DNAH14: variants seen among roughly 807,000 people sequenced by gnomAD.
The protein encoded by DNAH14 is axonemal beta dynein heavy chain 14.
A neutral mutation model predicts 520.9 loss-of-function variants in DNAH14; 478 were observed. The ratio of observed to expected loss-of-function variants is 0.92; its 90% CI spans 0.85 to 0.99. The LOEUF is 0.99. Ranked by LOEUF, DNAH14 falls within the 50% of genes least tolerant of loss-of-function variation. The pLI is 0.00. For missense variants in DNAH14, 4,831 were observed against 5,234.5 expected (o/e 0.92, Z 2.38); for synonymous variants, 1,581 against 1,757.2 (o/e 0.90, Z 2.51).
Position 225,358,778 on chromosome 1 carries a change from T to C in DNAH14, c.11776+126T>C. On this transcript the variant is annotated intron_variant, in intron 74 of 85. Transcript: ENST00000682510. ...AAGGGCGAGACCAGGTAGAGGTAAT[T>C]GGATCATGGGGATGGTTCCCCCCAT... 3.1e-6 allele frequency: 3 copies of C among 960,282 alleles called. No individual in the cohort carries two copies. In the South Asian group the frequency reaches 5.2e-5, roughly 17 times the overall value. 59.5% of individuals were successfully genotyped at this position (960,282 alleles called of 1,614,324 possible).
chr1:225,264,378 A>G (rs2093041664), intron 47 of DNAH14, 117 bp downstream of exon 47: 2 of 934,696 alleles, frequency 2.1e-6, no homozygotes, highest in South Asian at 3.6e-5. Flanking sequence ...GTAATTTAAT[A>G]TAAAAAGTCT....
intron 38 of DNAH14, among the ~76,000 whole-genome samples, chr1:225,203,564 T>A (rs1241623080): frequency 6.6e-6 from 1 of 152,204 alleles, no homozygotes; most frequent in Non-Finnish European, 1.5e-5. Flanking sequence ...TTTACAGAGA[T>A]GAATAATTAA....
intron 17 of DNAH14, among the ~76,000 whole-genome samples, chr1:225,066,212 A>G (rs547475861): frequency 4.6e-4 from 70 of 151,948 alleles, no homozygotes; most frequent in Admixed American, 9.2e-4. Context: ...CTGTAAAGGT[A>G]TTTGAGTTGC....
At chr1:225,264,289 T>A in intron 47 of DNAH14, 28 bp downstream of exon 47, 1 of 1,505,036 alleles carries the variant, frequency 6.6e-7, no homozygotes. Flanking sequence ...GTTTCAAAGC[T>A]ATGCTATGTT....
At chr1:225,352,317 T>A (rs1474261429) in intron 72 of DNAH14, among the ~76,000 whole-genome samples, 1 of 152,142 alleles carries the variant, frequency 6.6e-6, no homozygotes, top group Admixed American at 6.6e-5. Flanking sequence ...CGTTTTTCGC[T>A]ACTACCTTCA....
intron 23 of DNAH14, among the ~76,000 whole-genome samples, chr1:225,102,053 C>T (rs896089148): frequency 2.9e-4 from 37 of 126,946 alleles, no homozygotes; most frequent in African/African-American, 1.1e-3. Flanking sequence ...CCCCCCACCC[C>T]ACAACAGGCC....
intron 65 of DNAH14, 92 bp downstream of exon 65, chr1:225,331,669 T>C: frequency 6.7e-7 from 1 of 1,488,598 alleles, no homozygotes; most frequent in South Asian, 1.3e-5. Context: ...CTGTATCATA[T>C]ACCTTCTAAA....
rs988854606 is a variant in DNAH14 at position 225,331,604 on chromosome 1, C to T, written c.9864+27C>T. The T allele has an allele frequency of 6.3e-5, 97 of 1,550,694 alleles. 1 individual carries two copies. The Admixed American group carries it at 1.6e-3, about 25-fold the overall frequency. On this transcript the variant is annotated intron_variant, in intron 65 of 85. Transcript: ENST00000682510. ...CATGACTTACTTTGGTCTTATATCT[C>T]GTCCATAATTCCTACTGGGCCCAAC...
intron 60 of DNAH14, among the ~76,000 whole-genome samples, chr1:225,315,873 G>T (rs981405604): frequency 3.9e-5 from 6 of 152,246 alleles, no homozygotes; most frequent in African/African-American, 1.4e-4. Flanking sequence ...ATCCCTGCTG[G>T]GAAGTGTCTC....
At chr1:224,978,064 G>A (rs1183319518) in intron 8 of DNAH14, among the ~76,000 whole-genome samples, 1 of 152,164 alleles carries the variant, frequency 6.6e-6, no homozygotes, top group Non-Finnish European at 1.5e-5. Context: ...CTGTTGGTGG[G>A]AATGTAAATT....
chr1:225,352,960 G>A (rs2095387194), intron 72 of DNAH14, among the ~76,000 whole-genome samples: 1 of 151,978 alleles, frequency 6.6e-6, no homozygotes, highest in South Asian at 2.1e-4. Context: ...TACTGTAAGA[G>A]TCAGTTACTT....
chr1:224,975,345 C>A (rs1470358451), intron 8 of DNAH14, among the ~76,000 whole-genome samples: 1 of 151,960 alleles, frequency 6.6e-6, no homozygotes, highest in African/African-American at 2.4e-5. Context: ...GGCTGTGAAT[C>A]CATCTGGTCC....
chr1:225,375,329 A>G (rs1008449126), intron 78 of DNAH14, among the ~76,000 whole-genome samples: 4 of 152,204 alleles, frequency 2.6e-5, no homozygotes, highest in East Asian at 1.9e-4. Flanking sequence ...AGAAAACTCC[A>G]TATTAGACAC....
rs995478934 is a variant in DNAH14, at chr1:225,141,051, A to G, written c.4508+30A>G. On this transcript the variant is annotated intron_variant, in intron 28 of 85. Coordinates refer to ENST00000682510, the MANE Select transcript of DNAH14 (RefSeq NM_001367479.1). ...GTGGATCTAAATTATAACTACATAC[A>G]ATAACTTCTCCCAAATATATCTTTA... 3.4e-6 allele frequency: 5 copies of G among 1,485,124 alleles called. No homozygotes were observed. The African/African-American group carries it at 4.2e-5, about 13-fold the overall frequency. The allele number at this position is 1,485,124 out of a possible 1,614,324, so 92.0% of individuals were successfully genotyped here.
intron 54 of DNAH14, among the ~76,000 whole-genome samples, chr1:225,282,475 C>G (rs192778983): frequency 6.6e-6 from 1 of 152,330 alleles, no homozygotes; most frequent in East Asian, 1.9e-4. Context: ...TAGGTTCCCC[C>G]ATAAGAAGGC....
intron 6 of DNAH14, 72 bp downstream of exon 6, chr1:224,967,655 G>T (rs374449785): frequency 4.2e-5 from 67 of 1,596,940 alleles, no homozygotes; most frequent in Non-Finnish European, 5.5e-5. Flanking sequence ...GAATTTAATT[G>T]CATACATTTA....
At chr1:225,397,357 A>G (rs1397818348) in intron 84 of DNAH14, 2 of 152,406 alleles carry the variant, frequency 1.3e-5, no homozygotes, top group Non-Finnish European at 2.9e-5. Flanking sequence ...CACATTCCAG[A>G]GTGGACAACA....
In DNAH14 at chr1:225,195,601, G is replaced by A. The variant is rs372219263; in HGVS notation, c.5886+2690G>A. 1.5e-3 allele frequency among the ~76,000 whole-genome samples: 226 copies of A among 150,858 alleles called. 6 individuals are homozygous for A. The South Asian group carries it at 0.046, about 30-fold the overall frequency. On this transcript the variant is annotated intron_variant, in intron 38 of 85. Coordinates refer to ENST00000682510, the MANE Select transcript of DNAH14 (RefSeq NM_001367479.1). ...TCTGTATACCAAACCCCCGAGACACGCAATTTATCTATATAACAACCCTGC... is the reference window on the plus strand; with the variant it reads ...TCTGTATACCAAACCCCCGAGACACACAATTTATCTATATAACAACCCTGC...
Position 225,169,480 on chromosome 1 carries a change from C to T in DNAH14, c.5535+1452C>T, listed in dbSNP as rs113192423. 2.5e-3 allele frequency among the ~76,000 whole-genome samples: 385 copies of T among 152,174 alleles called. 3 individuals carry two copies. The highest frequency in any genetic ancestry group is 8.4e-3 in the African/African-American group (350 of 41,500). ...CCTGATGGAGCTGAAAACCACGGCA[C>T]GAGAACGATGTGACGCATGCACAAG... On this transcript the variant is annotated intron_variant, in intron 36 of 85. Coordinates refer to ENST00000682510, the MANE Select transcript of DNAH14 (RefSeq NM_001367479.1).
Sources: gnomAD v4.1 joint callset for allele counts (sites outside exome capture counted in the v4.1 genomes callset) on GRCh38, gnomAD v4.1.1 for gene constraint, MANE v1.5 for transcripts, NCBI Gene and HGNC (gene_info 2026-07-23, HGNC 2026-07-21) for gene names.